CDYL: variants seen among roughly 807,000 people sequenced by gnomAD.
The protein encoded by CDYL is chromodomain Y-like protein.
Under a neutral mutation model 47.3 loss-of-function variants are expected in CDYL, and 8 were observed. That is an observed-to-expected ratio of 0.17 (90% CI 0.10 to 0.31). The LOEUF (loss-of-function observed/expected upper bound fraction) is 0.31, where lower values mean the gene tolerates loss of function less well. Among genes scored for constraint, CDYL ranks in the 10% least tolerant of loss-of-function variants. CDYL has a pLI of 1.00. For missense variants in CDYL, 471 were observed against 701.4 expected (o/e 0.67, Z 3.71); for synonymous variants, 266 against 265.0 (o/e 1.00, Z -0.04).
At chr6:4,882,482 G>A (rs1171050012) in intron 1 of CDYL, among the ~76,000 whole-genome samples, 1 of 152,192 alleles carries the variant, frequency 6.6e-6, no homozygotes, top group Non-Finnish European at 1.5e-5. Context: ...GTGGGCAGAT[G>A]GTTCTGACCC....
intron 2 of CDYL, among the ~76,000 whole-genome samples, chr6:4,717,099 G>T (rs922226748): frequency 3.3e-5 from 5 of 152,132 alleles, no homozygotes. Context: ...GGAAGAAAAG[G>T]GTGGGTAGGA....
intron 2 of CDYL, among the ~76,000 whole-genome samples, chr6:4,724,204 C>G (rs548477804): frequency 1.3e-5 from 2 of 149,614 alleles, no homozygotes; most frequent in South Asian, 2.1e-4. Context: ...TCACACCCAG[C>G]TAATTTTTGT....
chr6:4,937,638 T>A lies in CDYL; in HGVS notation c.1022T>A (p.Val341Asp). ...AGCAAGCTGGTACTGCTCAGCGCCG[T>A]TGGCAGCGTCTTCTGTTGTGGACTT... Reference protein sequence around the residue: ...DDSKLVLLSAVGSVFCCGLDF... With the variant: ...DDSKLVLLSADGSVFCCGLDF... Residue 341 changes from valine to aspartate, a missense_variant, in exon 4 of 7, where the codon GTT (valine) becomes GAT (aspartate). By Grantham distance (152) the Val-to-Asp change is radical. Coordinates refer to ENST00000397588, the MANE Select transcript of CDYL (RefSeq NM_004824.4). 6.2e-7 allele frequency: 1 copy of A among 1,613,894 alleles called. No individual in the cohort carries two copies. The highest frequency in any genetic ancestry group is 8.5e-7 in the Non-Finnish European group (1 of 1,179,860).
chr6:4,788,798 G>A (rs962944628), intron 1 of CDYL, among the ~76,000 whole-genome samples: 1 of 151,706 alleles, frequency 6.6e-6, no homozygotes, highest in East Asian at 1.9e-4. Context: ...GGAATTTGTG[G>A]TCTGCCTGTC....
At chr6:4,754,808 T>C (rs992418618) in intron 3 of CDYL, among the ~76,000 whole-genome samples, 1 of 152,192 alleles carries the variant, frequency 6.6e-6, no homozygotes, top group Non-Finnish European at 1.5e-5. Flanking sequence ...TTGAATCATA[T>C]CCTATAAATT....
At chr6:4,769,158 A>T (rs1758299099) in intron 3 of CDYL, among the ~76,000 whole-genome samples, 1 of 152,248 alleles carries the variant, frequency 6.6e-6, no homozygotes, top group South Asian at 2.1e-4. Context: ...GGTAAAAACT[A>T]GGGAAATCTG....
At position 4,776,746 on chromosome 6, in the gene CDYL, CGACCCTGCCCCT is replaced by C; in HGVS notation, c.-37_-26del. The C allele has an allele frequency of 8.6e-7, 1 of 1,160,764 alleles. No individual in the cohort carries two copies. Among genetic ancestry groups the C allele is most frequent in the Non-Finnish European group, 1.1e-6 (1 of 884,600 alleles). The allele number at this position is 1,160,764 out of a possible 1,614,324, so 71.9% of individuals were successfully genotyped here. ...GGCCGCCCGGCGCCGGCGCCCGCCC[CGACCCTGCCCCT>C]CCCGCCCGCAACTCCGCCGCCCACC... On this transcript the variant is annotated 5_prime_UTR_variant, in exon 1 of 7. Transcript: ENST00000397588.
chr6:4,753,704 A>G (rs569599382), intron 3 of CDYL, among the ~76,000 whole-genome samples: 1 of 152,300 alleles, frequency 6.6e-6, no homozygotes, highest in Admixed American at 6.5e-5. Flanking sequence ...TTTATGGAGA[A>G]CCTGATCTGA....
chr6:4,853,862 C>G (rs992491254), intron 1 of CDYL, among the ~76,000 whole-genome samples: 1 of 152,264 alleles, frequency 6.6e-6, no homozygotes, highest in Admixed American at 6.5e-5. Flanking sequence ...GCAGGCACCT[C>G]TTAGCTGGCC....
At chr6:4,934,730 G>A (rs950227713) in intron 2 of CDYL, among the ~76,000 whole-genome samples, 1 of 152,160 alleles carries the variant, frequency 6.6e-6, no homozygotes, top group African/African-American at 2.4e-5. Context: ...GAGAGGCCAA[G>A]GTAGGAGGAT....
chr6:4,927,556 C>G (rs1188409725), intron 2 of CDYL, among the ~76,000 whole-genome samples: 4 of 151,824 alleles, frequency 2.6e-5, no homozygotes, highest in African/African-American at 9.7e-5. Context: ...GCTGGGACTA[C>G]AGGCATGCGC....
At chr6:4,867,003 A>G (rs561360088) in intron 1 of CDYL, among the ~76,000 whole-genome samples, 1 of 152,258 alleles carries the variant, frequency 6.6e-6, no homozygotes, top group Non-Finnish European at 1.5e-5. Flanking sequence ...TGTCACAAAT[A>G]AGTATAACAA....
chr6:4,895,421 GCATGTATACATGTATACGTATA>G (rs1762236852), intron 2 of CDYL, among the ~76,000 whole-genome samples: 1 of 5,032 alleles, frequency 2.0e-4, no homozygotes, highest in African/African-American at 2.1e-4. Context: ...ACGTATATAT[GCATGTATACATGTATACGTATA>G]TATGCATATA....
chr6:4,806,168 G>A (rs1759364585), intron 1 of CDYL, among the ~76,000 whole-genome samples: 1 of 152,312 alleles, frequency 6.6e-6, no homozygotes, highest in East Asian at 1.9e-4. Flanking sequence ...CCTGCATGCC[G>A]ACCCACCGGC....
At chr6:4,875,784 T>C (rs1272005355) in intron 1 of CDYL, among the ~76,000 whole-genome samples, 2 of 152,224 alleles carry the variant, frequency 1.3e-5, no homozygotes, top group Non-Finnish European at 2.9e-5. Context: ...TGAAAAGTTA[T>C]TCAGTGAATG....
At position 4,952,250 on chromosome 6, in the gene CDYL, CTCT is replaced by C. The variant is rs1217093452; in HGVS notation, c.1333-10_1333-8del. ...CCCACCGCAATTCATATTACATCCA[CTCT>C]TCTTCCTTGCAGGCAAACGAGATGC... is the stretch of plus-strand genomic sequence containing the variant. On this transcript the variant is annotated splice_polypyrimidine_tract_variant and intron_variant, in intron 5 of 6. Coordinates refer to ENST00000397588, the MANE Select transcript of CDYL (RefSeq NM_004824.4). 16 of 1,611,948 alleles carry C rather than the reference CTCT, an allele frequency of 9.9e-6. No individual in the cohort carries two copies. The highest frequency in any genetic ancestry group is 1.2e-5 in the Non-Finnish European group (14 of 1,179,004).
chr6:4,721,243 A>G (rs1171858270), intron 2 of CDYL, among the ~76,000 whole-genome samples: 1 of 152,216 alleles, frequency 6.6e-6, no homozygotes, highest in East Asian at 1.9e-4. Context: ...TTCACTATGC[A>G]GCACGTAGTC....
chr6:4,776,750 C>G lies in CDYL; in HGVS notation c.-34C>G. ...GCCCGGCGCCGGCGCCCGCCCCGAC[C>G]CTGCCCCTCCCGCCCGCAACTCCGC... is the stretch of plus-strand genomic sequence containing the variant. On this transcript the variant is annotated 5_prime_UTR_variant, in exon 1 of 7. Coordinates refer to ENST00000397588, the MANE Select transcript of CDYL (RefSeq NM_004824.4). The G allele has an allele frequency of 9.2e-7, 1 of 1,092,618 alleles. No homozygotes were observed. The highest frequency in any genetic ancestry group is 1.2e-6 in the Non-Finnish European group (1 of 824,914). The allele number at this position is 1,092,618 out of a possible 1,614,324, so 67.7% of individuals were successfully genotyped here. A position where few individuals can be genotyped will look rare whatever the true frequency, so the allele number is the denominator to read the frequency against.
At position 4,953,076 on chromosome 6, in the gene CDYL, T is replaced by C. The variant is rs569605422; in HGVS notation, c.1476+667T>C. 5.3e-5 allele frequency among the ~76,000 whole-genome samples: 8 copies of C among 150,480 alleles called. No homozygotes were observed. In the East Asian group the frequency reaches 1.7e-3, roughly 31 times the overall value. ...GAGCCACTGTGCCCGGCCTCCTAAG[T>C]TTTTGTTTAATAAATGTGCTAAATA... On this transcript the variant is annotated intron_variant, in intron 6 of 6. Coordinates refer to ENST00000397588, the MANE Select transcript of CDYL (RefSeq NM_004824.4).
Sources: allele counts gnomAD v4.1 joint callset (sites outside exome capture counted in the v4.1 genomes callset), GRCh38; gene constraint gnomAD v4.1.1; transcripts MANE v1.5; gene names NCBI Gene and HGNC (gene_info 2026-07-23, HGNC 2026-07-21).